COG5: variants seen among roughly 807,000 people sequenced by gnomAD.
COG5 encodes conserved oligomeric Golgi complex subunit 5.
In COG5, 86 loss-of-function variants were observed where a neutral mutation model predicts 110.4. The ratio of observed to expected loss-of-function variants is 0.78; its 90% CI spans 0.65 to 0.93. The LOEUF (loss-of-function observed/expected upper bound fraction) is 0.93. COG5 is among the 40% of genes least tolerant of loss of function. The pLI is 0.00. For synonymous variants in COG5, 360 were observed against 334.6 expected, an observed-to-expected ratio of 1.08 and a Z score of -0.83; for missense variants, 1,077 against 987.0, an observed-to-expected ratio of 1.09 and a Z score of -1.22.
intron 2 of COG5, among the ~76,000 whole-genome samples, chr7:107,554,756 GCAAA>G (rs1803177923): frequency 6.6e-6 from 1 of 152,102 alleles, no homozygotes; most frequent in Non-Finnish European, 1.5e-5. Context: ...GGTGGAAGGG[GCAAA>G]CAGTCTTCCT....
chr7:107,406,790 A>G (rs2129063535), intron 7 of COG5, among the ~76,000 whole-genome samples: 1 of 152,316 alleles, frequency 6.6e-6, no homozygotes, highest in Middle Eastern at 3.4e-3. Context: ...AAAATATGAT[A>G]CAATTTTAAG....
At chr7:107,553,931 CTG>C (rs1297272581) in intron 3 of COG5, among the ~76,000 whole-genome samples, 2 of 152,158 alleles carry the variant, frequency 1.3e-5, no homozygotes, top group Non-Finnish European at 2.9e-5. Context: ...CAGAACAATG[CTG>C]TGTTAGTACA....
At chr7:107,233,543 C>G (rs1281430375) in intron 18 of COG5, among the ~76,000 whole-genome samples, 1 of 152,210 alleles carries the variant, frequency 6.6e-6, no homozygotes, top group Non-Finnish European at 1.5e-5. Context: ...GTCATTATCT[C>G]TCTTTGCAAT....
At position 107,203,231 on chromosome 7, in the gene COG5, A is replaced by G; in HGVS notation, c.*285T>C. 1 of 437,946 alleles carries G rather than the reference A, an allele frequency of 2.3e-6. No individual in the cohort carries two copies. Among genetic ancestry groups the G allele is most frequent in the Non-Finnish European group, 4.2e-6 (1 of 237,030 alleles). 27.1% of individuals were successfully genotyped at this position (437,946 alleles called of 1,614,324 possible). A position where few individuals can be genotyped will look rare whatever the true frequency, so the allele number is the denominator to read the frequency against. ...TTTGGGTTTATGTACCCATAGGAGG[A>G]CTTGGTTATGGATGGGAAAGACATT... On this transcript the variant is annotated 3_prime_UTR_variant, in exon 22 of 22. Coordinates refer to ENST00000297135, the MANE Select transcript of COG5 (RefSeq NM_006348.5).
intron 6 of COG5, among the ~76,000 whole-genome samples, chr7:107,507,303 T>C (rs1038854849): frequency 1.3e-5 from 2 of 150,342 alleles, no homozygotes; most frequent in Non-Finnish European, 3.0e-5. Context: ...TTTTCTTTTT[T>C]TTTTTTTTTT....
At chr7:107,456,871 T>C (rs1584848631) in intron 6 of COG5, among the ~76,000 whole-genome samples, 1 of 152,070 alleles carries the variant, frequency 6.6e-6, no homozygotes, top group Middle Eastern at 3.4e-3. Flanking sequence ...TATGAAGGAG[T>C]ATGCCTTAAC....
chr7:107,290,488 T>C (rs1237429686), intron 12 of COG5, among the ~76,000 whole-genome samples: 1 of 152,208 alleles, frequency 6.6e-6, no homozygotes, highest in Non-Finnish European at 1.5e-5. Context: ...GAAGAAAATG[T>C]GTGTTTATAT....
chr7:107,333,082 T>A (rs773407914), intron 10 of COG5, among the ~76,000 whole-genome samples: 1 of 152,110 alleles, frequency 6.6e-6, no homozygotes, highest in Non-Finnish European at 1.5e-5. Flanking sequence ...TCAAAGGAAG[T>A]ACAGTGTAAA....
intron 6 of COG5, among the ~76,000 whole-genome samples, chr7:107,464,776 A>C (rs144058539): frequency 3.7e-4 from 56 of 152,258 alleles, no homozygotes; most frequent in African/African-American, 1.3e-3. Context: ...TATGAGCATG[A>C]TATCAGTGAA....
intron 21 of COG5, chr7:107,208,342 A>G: frequency 2.0e-6 from 2 of 985,456 alleles, no homozygotes; most frequent in Middle Eastern, 5.2e-4. Flanking sequence ...GAAATCACTC[A>G]GGAGACATTT....
intron 8 of COG5, among the ~76,000 whole-genome samples, chr7:107,369,384 C>CTTT (rs567770114): frequency 2.5e-4 from 26 of 103,154 alleles, no homozygotes; most frequent in South Asian, 8.8e-4. Context: ...AACAAAAATT[C>CTTT]TTTTTTTTTT....
chr7:107,420,368 C>A (rs1464990103), intron 6 of COG5, among the ~76,000 whole-genome samples: 1 of 152,144 alleles, frequency 6.6e-6, no homozygotes, highest in Non-Finnish European at 1.5e-5. Flanking sequence ...GGGTATTATT[C>A]TTTTGATCGG....
At chr7:107,350,611 T>C (rs548988236) in intron 10 of COG5, among the ~76,000 whole-genome samples, 2 of 152,344 alleles carry the variant, frequency 1.3e-5, no homozygotes, top group South Asian at 4.1e-4. Flanking sequence ...TGGCAATTTT[T>C]TACTGTGAGC....
chr7:107,502,891 T>C (rs1359770521), intron 6 of COG5, among the ~76,000 whole-genome samples: 1 of 152,140 alleles, frequency 6.6e-6, no homozygotes, highest in East Asian at 1.9e-4. Context: ...TTGAGTTCCC[T>C]GTAGCTTCTG....
At chr7:107,275,852 T>A (rs564948768) in intron 14 of COG5, among the ~76,000 whole-genome samples, 1 of 151,886 alleles carries the variant, frequency 6.6e-6, no homozygotes, top group Non-Finnish European at 1.5e-5. Context: ...AAAAAAAAAA[T>A]TGAACTCATA....
rs1232739390 is a variant in COG5 at position 107,287,240 on chromosome 7, C to T, written c.1314-3508G>A. Among the ~76,000 whole-genome samples, 3 of 152,036 alleles carry T rather than the reference C, an allele frequency of 2.0e-5. No individual in the cohort carries two copies. In the East Asian group the frequency reaches 5.8e-4, roughly 29 times the overall value. On this transcript the variant is annotated intron_variant, in intron 12 of 21. Transcript: ENST00000297135. ...TGCAATTTTAGTGTTATGGTTAGGC[C>T]CTTGCAGTTTGGATTGGGCTTGTGA...
chr7:107,371,161 C>T (rs965778290), intron 8 of COG5, among the ~76,000 whole-genome samples: 1 of 152,188 alleles, frequency 6.6e-6, no homozygotes, highest in Non-Finnish European at 1.5e-5. Flanking sequence ...AGTTTCAATA[C>T]AAACCTATTC....
chr7:107,253,777 G>A (rs1286726824), intron 16 of COG5, among the ~76,000 whole-genome samples: 2 of 152,076 alleles, frequency 1.3e-5, no homozygotes, highest in African/African-American at 2.4e-5. Flanking sequence ...CGGGCCTCCT[G>A]GCTGTTCTGT....
At chr7:107,279,675 GT>G (rs1027277530) in intron 14 of COG5, among the ~76,000 whole-genome samples, 15 of 152,120 alleles carry the variant, frequency 9.9e-5, no homozygotes, top group Admixed American at 7.9e-4. Flanking sequence ...GGCATATGAT[GT>G]TTTTTATAAT....
Sources: allele counts gnomAD v4.1 joint callset (sites outside exome capture counted in the v4.1 genomes callset), GRCh38; gene constraint gnomAD v4.1.1; transcripts MANE v1.5; gene names NCBI Gene and HGNC (gene_info 2026-07-23, HGNC 2026-07-21).